The following NEK1 variants were observed in gnomAD, a reference collection of about 807,000 sequenced individuals.
NEK1 encodes the protein NIMA related kinase 1, also known as serine/threonine-protein kinase Nek1.
NEK1 carries 137 observed loss-of-function variants against 182.1 expected under a neutral mutation model. That is an observed-to-expected ratio of 0.75 (90% CI 0.65 to 0.87). NEK1 has a LOEUF of 0.87. Ranked by LOEUF, NEK1 falls within the 40% of genes least tolerant of loss-of-function variation. The pLI, the probability that NEK1 is intolerant of heterozygous loss-of-function variation, is 0.00. For missense variants in NEK1, 1,391 were observed against 1,494.4 expected, an observed-to-expected ratio of 0.93 and a Z score of 1.14; for synonymous variants, 513 against 492.2, an observed-to-expected ratio of 1.04 and a Z score of -0.56.
intron 5 of NEK1, among the ~76,000 whole-genome samples, chr4:169,598,253 A>T (rs1561484523): frequency 6.6e-6 from 1 of 152,210 alleles, no homozygotes; most frequent in Non-Finnish European, 1.5e-5. Context: ...ATAAATTGAA[A>T]AAACTTATCC....
intron 6 of NEK1, 29 bp from the exon 7 acceptor site, chr4:169,589,543 T>C: frequency 1.5e-6 from 2 of 1,299,320 alleles, no homozygotes; most frequent in South Asian, 1.4e-5. Flanking sequence ...AAAAAAACCC[T>C]AGAAATATTG....
chr4:169,610,383 G>A (rs149909420), intron 2 of NEK1, among the ~76,000 whole-genome samples: 1,667 of 151,638 alleles, frequency 0.011, 10 homozygotes, highest in Non-Finnish European at 0.016. Flanking sequence ...GCAGTATCTC[G>A]GCTCACTGCA....
At chr4:169,549,377 G>C (rs936646039) in intron 18 of NEK1, among the ~76,000 whole-genome samples, 2 of 152,208 alleles carry the variant, frequency 1.3e-5, no homozygotes, top group African/African-American at 4.8e-5. Context: ...CTTGTTGGGA[G>C]CTACAGACCA....
At chr4:169,458,917 A>G (rs951377090) in intron 27 of NEK1, among the ~76,000 whole-genome samples, 2 of 152,068 alleles carry the variant, frequency 1.3e-5, no homozygotes, top group African/African-American at 4.8e-5. Context: ...CTAATCCAAA[A>G]TGCTCCAAAA....
chr4:169,422,207 T>C (rs1735599189), intron 31 of NEK1, among the ~76,000 whole-genome samples: 2 of 152,168 alleles, frequency 1.3e-5, no homozygotes, highest in African/African-American at 4.8e-5. Context: ...CATGCTGGAA[T>C]GTATTGGGAA....
chr4:169,592,546 G>T (rs1017422210), intron 5 of NEK1, among the ~76,000 whole-genome samples: 1 of 152,146 alleles, frequency 6.6e-6, no homozygotes, highest in Non-Finnish European at 1.5e-5. Context: ...AGGAAGGAAA[G>T]AAGGAATAAA....
chr4:169,602,007 C>T lies in NEK1; in HGVS notation c.214+1G>A, dbSNP rs1049502301. 2.4e-5 allele frequency: 38 copies of T among 1,598,618 alleles called. No individual in the cohort carries two copies. The highest frequency in any genetic ancestry group is 2.9e-5 in the Non-Finnish European group (34 of 1,167,506). On this transcript the variant is annotated splice_donor_variant, in intron 4 of 35. Transcript: ENST00000507142. LOFTEE classifies it high-confidence loss of function. ...TAACTCTCTCGCATAATTTATCTGACCTTCAAATGATTCTCTATACTGGAC... is the reference window on the plus strand; with the variant it reads ...TAACTCTCTCGCATAATTTATCTGATCTTCAAATGATTCTCTATACTGGAC...
At chr4:169,497,786 C>G (rs566944563) in intron 23 of NEK1, among the ~76,000 whole-genome samples, 222 of 152,274 alleles carry the variant, frequency 1.5e-3, no homozygotes, top group Non-Finnish European at 2.7e-3. Context: ...GTTATAATTT[C>G]TGTTCTTTTA....
At chr4:169,566,770 A>G (rs957932288) in intron 12 of NEK1, among the ~76,000 whole-genome samples, 2 of 152,146 alleles carry the variant, frequency 1.3e-5, no homozygotes, top group African/African-American at 4.8e-5. Flanking sequence ...TTTAATTTCC[A>G]GGGGGAAAAG....
Position 169,602,002 on chromosome 4 carries a change from T to C in NEK1, c.214+6A>G, listed in dbSNP as rs375956427. On this transcript the variant is annotated splice_donor_region_variant and intron_variant, in intron 4 of 35. Transcript: ENST00000507142. ...TTTTTTAACTCTCTCGCATAATTTA[T>C]CTGACCTTCAAATGATTCTCTATAC... 1.0e-4 allele frequency: 159 copies of C among 1,592,106 alleles called. No individual in the cohort carries two copies. The African/African-American group carries it at 1.8e-3, about 18-fold the overall frequency.
chr4:169,576,858 G>A, intron 12 of NEK1, 70 bp downstream of exon 12: 1 of 1,359,104 alleles, frequency 7.4e-7, no homozygotes, highest in Non-Finnish European at 1.0e-6. Flanking sequence ...CAAGGTAACT[G>A]AATTGAGCTG....
chr4:169,399,346 G>T (rs1183605844), intron 35 of NEK1, among the ~76,000 whole-genome samples: 1 of 151,606 alleles, frequency 6.6e-6, no homozygotes, highest in Non-Finnish European at 1.5e-5. Flanking sequence ...GGAGGCTGAG[G>T]TGTGTGGATC....
intron 27 of NEK1, among the ~76,000 whole-genome samples, chr4:169,440,717 G>A (rs1425912781): frequency 1.3e-5 from 2 of 152,222 alleles, no homozygotes; most frequent in African/African-American, 4.8e-5. Context: ...CAGGAAAATG[G>A]TAAGAGAGAT....
chr4:169,532,070 G>A (rs565570627), intron 19 of NEK1, among the ~76,000 whole-genome samples: 2 of 152,310 alleles, frequency 1.3e-5, no homozygotes, highest in East Asian at 3.9e-4. Flanking sequence ...AAATAGATCA[G>A]TGGTTGCCTA....
intron 29 of NEK1, among the ~76,000 whole-genome samples, chr4:169,431,474 A>G (rs1737419286): frequency 6.6e-6 from 1 of 152,028 alleles, no homozygotes; most frequent in African/African-American, 2.4e-5. Context: ...CAATGCCAAA[A>G]TATTTTATAA....
rs1388581644 is a variant in NEK1, at chr4:169,547,164, G to C, written c.1562+8556C>G. ...TCCTTCAGGAGCTCTTGTAAGGCAA[G>C]CCTGGTGGAGACAAGATCTCCCAGC... On this transcript the variant is annotated intron_variant, in intron 18 of 35. Coordinates refer to ENST00000507142, the MANE Select transcript of NEK1 (RefSeq NM_001199397.3). Among the ~76,000 whole-genome samples, 3 of 152,312 alleles carry C rather than the reference G, an allele frequency of 2.0e-5. No individual in the cohort carries two copies. The East Asian group carries it at 5.8e-4, about 29-fold the overall frequency.
intron 2 of NEK1, among the ~76,000 whole-genome samples, chr4:169,605,265 C>G (rs960098831): frequency 1.1e-4 from 16 of 152,172 alleles, no homozygotes; most frequent in African/African-American, 3.1e-4. Context: ...TTGCATTCTA[C>G]TGCCAACAAC....
intron 19 of NEK1, among the ~76,000 whole-genome samples, chr4:169,524,166 C>T (rs529642837): frequency 4.0e-4 from 61 of 152,206 alleles, no homozygotes; most frequent in African/African-American, 1.4e-3. Flanking sequence ...TACAGTCACA[C>T]AATGGAATAT....
chr4:169,552,221 A>C (rs1029932991), intron 18 of NEK1, among the ~76,000 whole-genome samples: 11 of 152,084 alleles, frequency 7.2e-5, no homozygotes, highest in Non-Finnish European at 1.3e-4. Flanking sequence ...AGTGATTACC[A>C]GCTATGAAAG....
Sources: gnomAD v4.1 joint callset for allele counts (sites outside exome capture counted in the v4.1 genomes callset) on GRCh38, gnomAD v4.1.1 for gene constraint, MANE v1.5 for transcripts, NCBI Gene and HGNC (gene_info 2026-07-23, HGNC 2026-07-21) for gene names.